Variants in KCNMA1 observed in about 807,000 individuals in gnomAD.
The protein encoded by KCNMA1 is potassium calcium-activated channel subfamily M alpha 1, also known as Calcium-activated potassium channel subunit alpha-1.
In KCNMA1, 29 loss-of-function variants were observed where a neutral mutation model predicts 140.0. That is an observed-to-expected ratio of 0.21 (90% CI 0.15 to 0.28). KCNMA1 has a LOEUF of 0.28. KCNMA1 is among the 10% of genes least tolerant of loss of function. KCNMA1 has a pLI of 1.00. For synonymous variants in KCNMA1, 612 were observed against 611.9 expected, an observed-to-expected ratio of 1.00 and a Z score of 0.00; for missense variants, 880 against 1,602.2, an observed-to-expected ratio of 0.55 and a Z score of 7.70.
At chr10:77,066,386 A>G (rs2095949183) in intron 14 of KCNMA1, among the ~76,000 whole-genome samples, 1 of 152,198 alleles carries the variant, frequency 6.6e-6, no homozygotes, top group Non-Finnish European at 1.5e-5. Context: ...TTTAAAAATG[A>G]GTCAAGGGTG....
intron 14 of KCNMA1, among the ~76,000 whole-genome samples, chr10:77,047,581 A>C (rs2095139963): frequency 7.0e-6 from 1 of 141,978 alleles, no homozygotes. Context: ...TGTGGCAGGA[A>C]ACTGGTCTTT....
At chr10:77,043,551 A>T (rs1430114647) in intron 14 of KCNMA1, among the ~76,000 whole-genome samples, 1 of 152,248 alleles carries the variant, frequency 6.6e-6, no homozygotes, top group East Asian at 1.9e-4. Flanking sequence ...ACTCATGCTC[A>T]CAGCAGCATT....
chr10:77,204,974 A>G (rs994546445), intron 3 of KCNMA1, among the ~76,000 whole-genome samples: 13 of 151,906 alleles, frequency 8.6e-5, no homozygotes, highest in African/African-American at 3.1e-4. Context: ...AACAACCCCA[A>G]TTTTCCAGCC....
chr10:77,078,966 G>A (rs998942375), intron 13 of KCNMA1, among the ~76,000 whole-genome samples: 2 of 152,162 alleles, frequency 1.3e-5, no homozygotes, highest in African/African-American at 4.8e-5. Flanking sequence ...ATGCAAACAC[G>A]TTGTTTGGAC....
chr10:77,087,892 T>C (rs1444251743), intron 10 of KCNMA1, among the ~76,000 whole-genome samples: 1 of 152,032 alleles, frequency 6.6e-6, no homozygotes, highest in East Asian at 1.9e-4. Context: ...TAACATTTAC[T>C]ATATGGCAGA....
At chr10:76,971,361 G>C (rs1169523625) in intron 19 of KCNMA1, among the ~76,000 whole-genome samples, 1 of 152,118 alleles carries the variant, frequency 6.6e-6, no homozygotes, top group Non-Finnish European at 1.5e-5. Context: ...ACCCATATTA[G>C]AGCATGCATT....
chr10:77,300,182 C>T (rs368938395), intron 2 of KCNMA1, among the ~76,000 whole-genome samples: 7 of 152,308 alleles, frequency 4.6e-5, no homozygotes, highest in East Asian at 3.9e-4. Context: ...TTGGGAGATT[C>T]GGTACCCTGA....
chr10:77,590,444 G>C (rs543730437), intron 1 of KCNMA1, among the ~76,000 whole-genome samples: 16 of 152,212 alleles, frequency 1.1e-4, no homozygotes, highest in Non-Finnish European at 2.2e-4. Flanking sequence ...GGCAGCTAAG[G>C]CCCGGTGAGA....
chr10:77,099,534 G>A (rs2097038933), intron 9 of KCNMA1, among the ~76,000 whole-genome samples: 3 of 152,124 alleles, frequency 2.0e-5, no homozygotes, highest in African/African-American at 2.4e-5. Flanking sequence ...GACCAACATA[G>A]AGAAACCCCG....
At chr10:77,331,159 T>C (rs2086253115) in intron 2 of KCNMA1, among the ~76,000 whole-genome samples, 1 of 152,178 alleles carries the variant, frequency 6.6e-6, no homozygotes. Flanking sequence ...TCATCACATG[T>C]GGCTTATCTA....
intron 2 of KCNMA1, among the ~76,000 whole-genome samples, chr10:77,253,985 C>A (rs1189982895): frequency 6.6e-6 from 1 of 152,064 alleles, no homozygotes; most frequent in Non-Finnish European, 1.5e-5. Context: ...TTCTCTAGGC[C>A]CCTAGCAAAG....
intron 1 of KCNMA1, among the ~76,000 whole-genome samples, chr10:77,523,851 T>C (rs1169457827): frequency 6.6e-6 from 1 of 152,010 alleles, no homozygotes; most frequent in Admixed American, 6.5e-5. Flanking sequence ...TACAAAAAAA[T>C]AGAAAGAATG....
intron 1 of KCNMA1, among the ~76,000 whole-genome samples, chr10:77,504,723 A>C (rs1370795960): frequency 6.6e-6 from 1 of 152,110 alleles, no homozygotes; most frequent in Admixed American, 6.5e-5. Context: ...CAGCCTCCCA[A>C]ATCACTAGGT....
intron 23 of KCNMA1, among the ~76,000 whole-genome samples, chr10:76,941,099 G>GAGAAAGAAAT (rs1371861723): frequency 1.1e-5 from 1 of 87,350 alleles, no homozygotes; most frequent in Non-Finnish European, 2.3e-5. Flanking sequence ...AAGAAAGAAA[G>GAGAAAGAAAT]AAGGGAGGGA....
At chr10:77,293,772 G>T in intron 2 of KCNMA1, among the ~76,000 whole-genome samples, 1 of 152,244 alleles carries the variant, frequency 6.6e-6, no homozygotes, top group East Asian at 1.9e-4. Flanking sequence ...TGCCAAGCAA[G>T]GCTGAGGGAA....
chr10:77,049,518 C>T (rs921786621), intron 14 of KCNMA1, among the ~76,000 whole-genome samples: 2 of 152,174 alleles, frequency 1.3e-5, no homozygotes, highest in African/African-American at 4.8e-5. Context: ...ATTTCCGTAT[C>T]GACTGTAAGC....
intron 15 of KCNMA1, among the ~76,000 whole-genome samples, chr10:77,031,150 TCAGAA>T (rs2093910415): frequency 1.3e-5 from 2 of 152,210 alleles, no homozygotes; most frequent in Non-Finnish European, 2.9e-5. Flanking sequence ...ATGCTTCTCA[TCAGAA>T]GAGAGGAAAT....
intron 5 of KCNMA1, among the ~76,000 whole-genome samples, chr10:77,162,629 T>C (rs563570171): frequency 1.3e-5 from 2 of 152,330 alleles, no homozygotes; most frequent in African/African-American, 4.8e-5. Flanking sequence ...AAATCTTTCT[T>C]TCTGGTCTTT....
intron 1 of KCNMA1, among the ~76,000 whole-genome samples, chr10:77,432,194 G>A (rs1417680063): frequency 1.3e-5 from 2 of 152,180 alleles, no homozygotes; most frequent in Non-Finnish European, 2.9e-5. Context: ...AGAGGCCAAA[G>A]GGACTTTGCC....
Sources: gnomAD v4.1 joint callset for allele counts (sites outside exome capture counted in the v4.1 genomes callset) on GRCh38, gnomAD v4.1.1 for gene constraint, MANE v1.5 for transcripts, NCBI Gene and HGNC (gene_info 2026-07-23, HGNC 2026-07-21) for gene names.